The following ST6GALNAC3 variants were observed in gnomAD, a reference collection of about 807,000 sequenced individuals.
The protein encoded by ST6GALNAC3 is ST6 N-acetylgalactosaminide alpha-2,6-sialyltransferase 3, also known as alpha-N-acetylgalactosaminide alpha-2,6-sialyltransferase 3.
ST6GALNAC3 carries 25 observed loss-of-function variants against 32.7 expected under a neutral mutation model. The observed-to-expected ratio is 0.76, with a 90% CI of 0.56 to 1.07. The LOEUF (loss-of-function observed/expected upper bound fraction) is 1.07, where lower values mean the gene tolerates loss of function less well. Ranked by LOEUF, ST6GALNAC3 falls within the 50% of genes least tolerant of loss-of-function variation. ST6GALNAC3 has a pLI of 0.00. For missense variants in ST6GALNAC3, 355 were observed against 382.4 expected, an observed-to-expected ratio of 0.93 and a Z score of 0.60; for synonymous variants, 129 against 133.1, an observed-to-expected ratio of 0.97 and a Z score of 0.21.
chr1:76,331,704 G>T (rs1647189833), intron 2 of ST6GALNAC3, among the ~76,000 whole-genome samples: 1 of 152,132 alleles, frequency 6.6e-6, no homozygotes, highest in East Asian at 1.9e-4. Context: ...GGTAGAGTTT[G>T]CTCTAATGAG....
chr1:76,172,135 C>G (rs566087831), intron 1 of ST6GALNAC3, among the ~76,000 whole-genome samples: 1 of 152,276 alleles, frequency 6.6e-6, no homozygotes, highest in Non-Finnish European at 1.5e-5. Context: ...AAAAACTTAT[C>G]CACCACGATC....
rs3042284 is a variant in ST6GALNAC3 at position 76,140,797 on chromosome 1, ATTTTTTTTT to A, written c.18+65928_18+65936del. On this transcript the variant is annotated intron_variant, in intron 1 of 4. Coordinates refer to ENST00000328299, the MANE Select transcript of ST6GALNAC3 (RefSeq NM_152996.4). ...TGCCCAGCTAAATTTTAATTTTCTAATTTTTTTTTTTTTTTTTTTTTTTGGTATAGAGGG... is the reference window on the plus strand; with the variant it reads ...TGCCCAGCTAAATTTTAATTTTCTAATTTTTTTTTTTTTTGGTATAGAGGG... 5.8e-5 allele frequency among the ~76,000 whole-genome samples: 7 copies of A among 120,390 alleles called. No individual in the cohort carries two copies. The East Asian group carries it at 9.4e-4, about 16-fold the overall frequency. The allele number at this position is 120,390 out of a possible 152,430, so 79.0% of individuals were successfully genotyped here. A position where few individuals can be genotyped will look rare whatever the true frequency, so the allele number is the denominator to read the frequency against.
At chr1:76,370,108 C>A (rs1421079682) in intron 2 of ST6GALNAC3, among the ~76,000 whole-genome samples, 1 of 152,176 alleles carries the variant, frequency 6.6e-6, no homozygotes, top group Non-Finnish European at 1.5e-5. Context: ...AGGACCGCAG[C>A]AGGAACCAAC....
At chr1:76,464,412 G>A (rs572645528) in intron 3 of ST6GALNAC3, among the ~76,000 whole-genome samples, 2 of 152,278 alleles carry the variant, frequency 1.3e-5, no homozygotes, top group South Asian at 2.1e-4. Context: ...CCCATCAATA[G>A]GTCAGAGCCT....
chr1:76,266,281 A>G (rs1251359001), intron 1 of ST6GALNAC3, among the ~76,000 whole-genome samples: 3 of 152,140 alleles, frequency 2.0e-5, no homozygotes, highest in East Asian at 3.9e-4. Flanking sequence ...CCAGGGCTCT[A>G]TTACCCAGGG....
chr1:76,605,319 G>T, intron 3 of ST6GALNAC3, among the ~76,000 whole-genome samples: 1 of 152,146 alleles, frequency 6.6e-6, no homozygotes, highest in East Asian at 1.9e-4. Context: ...CTTTGTCTCT[G>T]CTTCTGAACT....
At chr1:76,585,643 G>C (rs1433887950) in intron 3 of ST6GALNAC3, among the ~76,000 whole-genome samples, 2 of 152,046 alleles carry the variant, frequency 1.3e-5, no homozygotes, top group South Asian at 2.1e-4. Flanking sequence ...AAAGAAAACA[G>C]TATCTTCATG....
chr1:76,192,927 C>G (rs1440295661), intron 1 of ST6GALNAC3, among the ~76,000 whole-genome samples: 2 of 152,106 alleles, frequency 1.3e-5, no homozygotes, highest in Non-Finnish European at 2.9e-5. Context: ...CTTTTATCTT[C>G]TGCTTTTTTG....
intron 3 of ST6GALNAC3, among the ~76,000 whole-genome samples, chr1:76,521,847 T>G (rs1170276849): frequency 6.6e-6 from 1 of 152,066 alleles, no homozygotes. Flanking sequence ...GGCAGGTGGA[T>G]TGCCTGAGCT....
chr1:76,524,884 T>TA (rs778254456), intron 3 of ST6GALNAC3, among the ~76,000 whole-genome samples: 2 of 151,870 alleles, frequency 1.3e-5, no homozygotes, highest in Non-Finnish European at 2.9e-5. Context: ...AAGAAATATA[T>TA]AAAAAAATTT....
At chr1:76,087,578 C>T (rs987491970) in intron 1 of ST6GALNAC3, among the ~76,000 whole-genome samples, 3 of 152,024 alleles carry the variant, frequency 2.0e-5, no homozygotes, top group African/African-American at 7.3e-5. Flanking sequence ...CTTACCTGTA[C>T]TGTGTTGGGG....
At chr1:76,126,400 TTCCC>T (rs202041325) in intron 1 of ST6GALNAC3, among the ~76,000 whole-genome samples, 13 of 150,688 alleles carry the variant, frequency 8.6e-5, no homozygotes, top group Admixed American at 2.6e-4. Context: ...TTTCTTTCTT[TTCCC>T]TCCCTCCCTC....
chr1:76,159,048 T>A (rs370016), intron 1 of ST6GALNAC3, among the ~76,000 whole-genome samples: 1 of 152,072 alleles, frequency 6.6e-6, no homozygotes, highest in Non-Finnish European at 1.5e-5. Context: ...AGGGAGGCAG[T>A]TTCCCTTTCC....
At chr1:76,443,431 C>A (rs757456700) in intron 3 of ST6GALNAC3, among the ~76,000 whole-genome samples, 19 of 152,280 alleles carry the variant, frequency 1.2e-4, no homozygotes, top group Non-Finnish European at 2.6e-4. Context: ...ACAGTGTGAT[C>A]CTACTCGGCC....
chr1:76,359,469 TG>T (rs998167951), intron 2 of ST6GALNAC3, among the ~76,000 whole-genome samples: 6 of 152,132 alleles, frequency 3.9e-5, no homozygotes, highest in Non-Finnish European at 5.9e-5. Context: ...ATGTGAAGAC[TG>T]GGGTTATGTT....
intron 2 of ST6GALNAC3, among the ~76,000 whole-genome samples, chr1:76,399,039 A>C (rs1402279835): frequency 6.6e-6 from 1 of 152,094 alleles, no homozygotes; most frequent in African/African-American, 2.4e-5. Flanking sequence ...CAATAATTGC[A>C]TCTTATGCCA....
At chr1:76,497,392 A>G (rs902906609) in intron 3 of ST6GALNAC3, among the ~76,000 whole-genome samples, 1 of 152,192 alleles carries the variant, frequency 6.6e-6, no homozygotes, top group East Asian at 1.9e-4. Context: ...GAGCCATAGC[A>G]AAGTCCAGAG....
At chr1:76,270,192 A>G (rs1031866418) in intron 1 of ST6GALNAC3, among the ~76,000 whole-genome samples, 2 of 152,196 alleles carry the variant, frequency 1.3e-5, no homozygotes, top group African/African-American at 4.8e-5. Flanking sequence ...CTCATTGGGT[A>G]TATTTACTTG....
intron 3 of ST6GALNAC3, among the ~76,000 whole-genome samples, chr1:76,529,129 A>C (rs1663095973): frequency 6.6e-6 from 1 of 152,060 alleles, no homozygotes; most frequent in South Asian, 2.1e-4. Context: ...GAAGTGAATA[A>C]TAATTGTTAT....
Sources: allele counts gnomAD v4.1 joint callset (sites outside exome capture counted in the v4.1 genomes callset), GRCh38; gene constraint gnomAD v4.1.1; transcripts MANE v1.5; gene names NCBI Gene and HGNC (gene_info 2026-07-23, HGNC 2026-07-21).